The following LRBA variants were observed in gnomAD, a reference collection of about 807,000 sequenced individuals.
The protein encoded by LRBA is LPS responsive beige-like anchor protein.
A neutral mutation model predicts 330.0 loss-of-function variants in LRBA; 176 were observed. The observed-to-expected ratio is 0.53, with a 90% confidence interval of 0.47 to 0.60. LRBA has a LOEUF of 0.60. Among genes scored for constraint, LRBA ranks in the 20% least tolerant of loss-of-function variants. LRBA has a pLI of 0.00. For synonymous variants in LRBA, 1,230 were observed against 1,193.0 expected (o/e 1.03, Z -0.64); for missense variants, 3,259 against 3,444.8 (o/e 0.95, Z 1.35).
chr4:150,404,622 A>G (rs1179452600), intron 47 of LRBA, among the ~76,000 whole-genome samples: 1 of 152,164 alleles, frequency 6.6e-6, no homozygotes, highest in Non-Finnish European at 1.5e-5. Flanking sequence ...CCACACTTTC[A>G]GCTATATCAC....
At position 150,828,465 on chromosome 4, in the gene LRBA, C is replaced by A; in HGVS notation, c.4886G>T (p.Gly1629Val). 6.2e-7 allele frequency: 1 copy of A among 1,614,118 alleles called. No homozygotes were observed. Residue 1629 changes from glycine (G) to valine (V), a missense_variant, in exon 30 of 57, where the codon GGT becomes GTT. Coordinates refer to ENST00000651943, the MANE Select transcript of LRBA (RefSeq NM_001364905.1). ...GATTGCATCTGGGCCTGCACTGACA[C>A]CAGGAGGTGCTGTGTGAGGAGTTAC... ...VEVTPHTAPP[G>V]VSAGPDAISE...
intron 31 of LRBA, among the ~76,000 whole-genome samples, chr4:150,815,467 G>A (rs1239344565): frequency 3.3e-5 from 5 of 151,686 alleles, no homozygotes. Context: ...AACCAGCGAG[G>A]GAGAGAATGA....
chr4:150,335,502 TACACACAC>T (rs1299304679), intron 48 of LRBA, among the ~76,000 whole-genome samples: 2 of 144,522 alleles, frequency 1.4e-5, no homozygotes, highest in African/African-American at 5.2e-5. Flanking sequence ...TATATATATA[TACACACAC>T]ATATACGTAT....
intron 30 of LRBA, among the ~76,000 whole-genome samples, chr4:150,826,476 C>T (rs1050539524): frequency 1.3e-5 from 2 of 152,074 alleles, no homozygotes; most frequent in Admixed American, 6.6e-5. Flanking sequence ...AGCTGCTAAC[C>T]CCTGAGCCTT....
At position 150,325,842 on chromosome 4, in the gene LRBA, C is replaced by G; in HGVS notation, c.7419G>C (p.Glu2473Asp). 6.2e-7 allele frequency: 1 copy of G among 1,613,530 alleles called. No homozygotes were observed. The highest frequency in any genetic ancestry group is 8.5e-7 in the Non-Finnish European group (1 of 1,179,688). Residue 2473 changes from glutamate to aspartate, a missense_variant, in exon 49 of 57, where the codon GAG becomes GAC. By Grantham distance (45) the Glu-to-Asp change is conservative. Transcript: ENST00000651943. ...TGGCAGAACCTCTGGGAGGATGGGG[C>G]TCTATGAGTAGTTGAGAAGGAGTCT... ...FGQTPSQLLI[E>D]PHPPRGSAMQ...
rs117373385 is a variant in LRBA at position 150,582,563 on chromosome 4, G to A, written c.6330+5485C>T. 102 of 162,968 alleles carry A rather than the reference G, an allele frequency of 6.3e-4. No homozygotes were observed. In the East Asian group the frequency reaches 0.012, roughly 19 times the overall value. The allele number at this position is 162,968 out of a possible 1,614,324, so 10.1% of individuals were successfully genotyped here. On this transcript the variant is annotated intron_variant, in intron 40 of 56. Coordinates refer to ENST00000651943, the MANE Select transcript of LRBA (RefSeq NM_001364905.1). Reference sequence around the variant, plus strand: ...AAGAGAAGTTTAAGAATGAACCACTGAATGTTTCGCTTTTATTTTTAAATT... The same window carrying A: ...AAGAGAAGTTTAAGAATGAACCACTAAATGTTTCGCTTTTATTTTTAAATT...
chr4:150,317,180 T>A (rs892815233), intron 50 of LRBA, among the ~76,000 whole-genome samples: 1 of 152,144 alleles, frequency 6.6e-6, no homozygotes, highest in Admixed American at 6.6e-5. Flanking sequence ...TTCCTTTTGA[T>A]AGTCAAGAAA....
rs148920856 is a variant in LRBA at position 150,439,338 on chromosome 4, G to GA, written c.6781-2475dup. On this transcript the variant is annotated intron_variant, in intron 44 of 56. Coordinates refer to ENST00000651943, the MANE Select transcript of LRBA (RefSeq NM_001364905.1). ...ATTAGGATTGATTTCACTAGCATCTGAAAAAAAATGGCATCTTGCAGAGAT... is the reference window on the plus strand; with the variant it reads ...ATTAGGATTGATTTCACTAGCATCTGAAAAAAAAATGGCATCTTGCAGAGAT... 3.3e-5 allele frequency among the ~76,000 whole-genome samples: 5 copies of GA among 151,708 alleles called. No individual in the cohort carries two copies. In the South Asian group the frequency reaches 1.0e-3, roughly 32 times the overall value.
intron 37 of LRBA, among the ~76,000 whole-genome samples, chr4:150,648,158 C>CAAAAAAAAAAAAAAAAAAAA: frequency 0.014 from 243 of 17,980 alleles, 49 homozygotes; most frequent in Non-Finnish European, 0.023. Flanking sequence ...ACACAAGTAG[C>CAAAAAAAAAAAAAAAAAAAA]AAAAAAAAAA....
At chr4:150,758,295 A>G (rs941462727) in intron 35 of LRBA, among the ~76,000 whole-genome samples, 6 of 152,220 alleles carry the variant, frequency 3.9e-5, no homozygotes, top group African/African-American at 1.4e-4. Flanking sequence ...CACTATTTCT[A>G]TATTCCAAAG....
intron 33 of LRBA, among the ~76,000 whole-genome samples, chr4:150,804,046 A>C (rs533771621): frequency 6.6e-6 from 1 of 152,220 alleles, no homozygotes; most frequent in Admixed American, 6.5e-5. Context: ...ATAGTTCATA[A>C]GTTGTTACAC....
At chr4:150,920,361 C>T (rs968136404) in intron 5 of LRBA, among the ~76,000 whole-genome samples, 1 of 152,070 alleles carries the variant, frequency 6.6e-6, no homozygotes, top group Non-Finnish European at 1.5e-5. Flanking sequence ...CAAGCCTGGC[C>T]AACATGGCAA....
chr4:150,845,123 G>C (rs1338074974), intron 26 of LRBA, among the ~76,000 whole-genome samples: 1 of 152,078 alleles, frequency 6.6e-6, no homozygotes, highest in Non-Finnish European at 1.5e-5. Flanking sequence ...GTTAAGAAAA[G>C]GATAGGGAAG....
intron 48 of LRBA, among the ~76,000 whole-genome samples, chr4:150,340,907 C>T (rs1735446354): frequency 6.6e-6 from 1 of 152,006 alleles, no homozygotes; most frequent in African/African-American, 2.4e-5. Flanking sequence ...TATGCAGGGC[C>T]AGATCATGTG....
chr4:150,746,254 C>T (rs925502766), intron 35 of LRBA, among the ~76,000 whole-genome samples: 3 of 151,964 alleles, frequency 2.0e-5, no homozygotes, highest in African/African-American at 7.3e-5. Flanking sequence ...TTTACTTAAC[C>T]GTATACCATT....
intron 17 of LRBA, among the ~76,000 whole-genome samples, chr4:150,889,725 C>T (rs1196330372): frequency 6.6e-6 from 1 of 152,122 alleles, no homozygotes; most frequent in Non-Finnish European, 1.5e-5. Context: ...GTCCCTGGTG[C>T]CAAAAAGGCT....
intron 47 of LRBA, among the ~76,000 whole-genome samples, chr4:150,386,893 G>T (rs750699860): frequency 2.0e-5 from 3 of 152,126 alleles, no homozygotes; most frequent in Non-Finnish European, 4.4e-5. Context: ...CAGTGTAAGA[G>T]CATTCCTTTT....
At chr4:150,497,924 T>A (rs1032313140) in intron 40 of LRBA, among the ~76,000 whole-genome samples, 3 of 152,204 alleles carry the variant, frequency 2.0e-5, no homozygotes, top group Non-Finnish European at 4.4e-5. Flanking sequence ...CGGGCTCCCA[T>A]TGAAGACTGT....
At chr4:150,982,058 T>A (rs1350951743) in intron 2 of LRBA, among the ~76,000 whole-genome samples, 1 of 151,860 alleles carries the variant, frequency 6.6e-6, no homozygotes, top group African/African-American at 2.4e-5. Flanking sequence ...TACAATAGCA[T>A]CTTATGGAGT....
Sources: allele counts gnomAD v4.1 joint callset (sites outside exome capture counted in the v4.1 genomes callset), GRCh38; gene constraint gnomAD v4.1.1; transcripts MANE v1.5; gene names NCBI Gene and HGNC (gene_info 2026-07-23, HGNC 2026-07-21).